Variants in MYH16 observed in about 807,000 individuals in gnomAD.
MYH16 encodes the protein putative uncharacterized protein MYH16.
intron 2 of MYH16, among the ~76,000 whole-genome samples, chr7:99,244,461 C>G (rs1049275052): frequency 3.3e-5 from 5 of 152,210 alleles, no homozygotes; most frequent in African/African-American, 7.2e-5. Flanking sequence ...GTTTGCCTCT[C>G]TAGATGTCTT....
chr7:99,298,041 G>A, intron 36 of MYH16, 46 bp downstream of exon 17: 1 of 455,012 alleles, frequency 2.2e-6, no homozygotes, highest in Admixed American at 2.4e-5. Flanking sequence ...GAAGTGTGAT[G>A]GAGCAGAGTC....
intron 33 of MYH16, among the ~76,000 whole-genome samples, chr7:99,296,378 G>C (rs1237271020): frequency 6.6e-6 from 1 of 151,976 alleles, no homozygotes; most frequent in Non-Finnish European, 1.5e-5. Flanking sequence ...GGGGAGTTAG[G>C]CTGAATGTCA....
chr7:99,276,965 C>A (rs148681045), intron 20 of MYH16, among the ~76,000 whole-genome samples: 49 of 150,636 alleles, frequency 3.3e-4, no homozygotes, highest in African/African-American at 1.0e-3. Flanking sequence ...AACAGAAACA[C>A]GGAGAGAGAA....
At chr7:99,246,997 G>T (rs532831158) in intron 2 of MYH16, among the ~76,000 whole-genome samples, 4 of 152,068 alleles carry the variant, frequency 2.6e-5, no homozygotes, top group Non-Finnish European at 5.9e-5. Context: ...CTTTCAATAC[G>T]ATATTTTCAA....
intron 20 of MYH16, among the ~76,000 whole-genome samples, chr7:99,275,835 G>A (rs1246640766): frequency 1.3e-5 from 2 of 152,226 alleles, no homozygotes; most frequent in South Asian, 2.1e-4. Context: ...GGATTCAAGC[G>A]ATTCTCCTGC....
chr7:99,249,644 C>T (rs529661848), intron 4 of MYH16, among the ~76,000 whole-genome samples: 10 of 147,844 alleles, frequency 6.8e-5, no homozygotes, highest in African/African-American at 2.3e-4. Context: ...CAGCCTCCAC[C>T]TCCTGGGTTC....
intron 19 of MYH16, among the ~76,000 whole-genome samples, 146 bp from the exon 1 acceptor site, chr7:99,272,693 G>A (rs1344334118): frequency 6.6e-6 from 1 of 151,836 alleles, no homozygotes; most frequent in Non-Finnish European, 1.5e-5. Context: ...GTTCCAGTGA[G>A]CCATAATTGC....
intron 10 of MYH16, chr7:99,258,069 C>T (rs1438063921): frequency 2.6e-5 from 4 of 152,626 alleles, no homozygotes; most frequent in African/African-American, 4.8e-5. Flanking sequence ...AGGTTTCTCC[C>T]AGGCATGGCA....
At chr7:99,277,941 GACAGAC>G (rs1320825222) in intron 21 of MYH16, among the ~76,000 whole-genome samples, 2,588 of 129,498 alleles carry the variant, frequency 0.02, 117 homozygotes, top group African/African-American at 0.083. Context: ...GAGAGAGACA[GACAGAC>G]AGACAGACAG....
chr7:99,255,008 C>T (rs1295813352), intron 8 of MYH16, among the ~76,000 whole-genome samples: 3 of 152,142 alleles, frequency 2.0e-5, no homozygotes, highest in Non-Finnish European at 4.4e-5. Flanking sequence ...ATGGCTCACA[C>T]ATGTAATCCC....
intron 2 of MYH16, among the ~76,000 whole-genome samples, chr7:99,243,710 C>T (rs917186956): frequency 1.3e-5 from 2 of 152,264 alleles, no homozygotes; most frequent in African/African-American, 4.8e-5. Context: ...CAAATCAAAA[C>T]ATCATTTTTC....
intron 1 of MYH16, among the ~76,000 whole-genome samples, chr7:99,239,190 G>C (rs1257590323): frequency 2.0e-5 from 3 of 152,212 alleles, no homozygotes; most frequent in Non-Finnish European, 4.4e-5. Flanking sequence ...CTACACTCAA[G>C]CTGTGTGGCC....
chr7:99,284,991 G>A (rs573712303), intron 26 of MYH16, 56 bp downstream of exon 8: 6 of 454,296 alleles, frequency 1.3e-5, no homozygotes, highest in East Asian at 1.4e-4. Context: ...TTCTCTGAAC[G>A]TTTTGTTCAT....
chr7:99,297,569 GCCTGCTTCTTAC>G, intron 34 of MYH16, 79 bp from the exon 16 acceptor site: 1 of 389,552 alleles, frequency 2.6e-6, no homozygotes. Context: ...ACTTTGGGAG[GCCTGCTTCTTAC>G]CCCAATGGAG....
At chr7:99,288,713 A>T (rs1317545519) in intron 29 of MYH16, among the ~76,000 whole-genome samples, 1 of 152,144 alleles carries the variant, frequency 6.6e-6, no homozygotes. Flanking sequence ...TAAAATAAAA[A>T]ATAAAATAAC....
At chr7:99,264,930 A>G (rs1427869665) in intron 15 of MYH16, among the ~76,000 whole-genome samples, 2 of 152,228 alleles carry the variant, frequency 1.3e-5, no homozygotes. Context: ...ACTTTCTGCA[A>G]TGATGAAACG....
At position 99,295,999 on chromosome 7, in the gene MYH16, G is replaced by A. The variant is rs550704660; in HGVS notation, n.4283-702G>A. ...TCTACTAAAAATACAAAAAGTAGCC[G>A]GACGTGGTGGCGCACGCCTGTGTAA... On this transcript the variant is annotated intron_variant and non_coding_transcript_variant, in intron 33 of 41. Transcript: ENST00000439784. Among the ~76,000 whole-genome samples, 22 of 151,666 alleles carry A rather than the reference G, an allele frequency of 1.5e-4. No homozygotes were observed. The East Asian group carries it at 1.7e-3, about 12-fold the overall frequency.
chr7:99,248,232 G>A (rs1791756751), intron 3 of MYH16, among the ~76,000 whole-genome samples: 1 of 152,318 alleles, frequency 6.6e-6, no homozygotes, highest in African/African-American at 2.4e-5. Flanking sequence ...CTCCCAAGTA[G>A]CTGGGATTAC....
intron 4 of MYH16, among the ~76,000 whole-genome samples, chr7:99,249,639 T>G (rs13307929): frequency 1.5e-5 from 2 of 129,880 alleles, no homozygotes; most frequent in Non-Finnish European, 3.1e-5. Context: ...GAGTGCAGCC[T>G]CCACCTCCTG....
Sources: allele counts gnomAD v4.1 joint callset (sites outside exome capture counted in the v4.1 genomes callset), GRCh38; gene constraint gnomAD v4.1.1; transcripts MANE v1.5; gene names NCBI Gene and HGNC (gene_info 2026-07-23, HGNC 2026-07-21).